The following UNC13A variants were observed in gnomAD, a reference collection of about 807,000 sequenced individuals.
UNC13A encodes unc-13 homolog A, also known as protein unc-13 homolog A.
A neutral mutation model predicts 219.7 loss-of-function variants in UNC13A; 61 were observed. The ratio of observed to expected loss-of-function variants is 0.28; its 90% CI spans 0.23 to 0.34. The LOEUF is 0.34. UNC13A is among the 10% of genes least tolerant of loss of function. UNC13A has a pLI of 1.00. For missense variants in UNC13A, 1,476 were observed against 2,270.3 expected (o/e 0.65, Z 7.11); for synonymous variants, 920 against 884.6 (o/e 1.04, Z -0.71).
rs367737921 is a variant in UNC13A at position 17,674,693 on chromosome 19, C to G, written c.116G>C (p.Arg39Pro). The change falls in exon 3 of 44, where the codon CGG becomes CCG. Residue 39 changes from arginine (R) to proline (P), a missense_variant. Around this residue, in one of 14 missense-constraint regions of UNC13A, gnomAD observed 203 missense variants for 301.6 expected, o/e 0.67. Transcript: ENST00000519716. The surrounding 1 kb of genome is among the most constrained non-coding windows in gnomAD (Gnocchi z 5.0). ...CTGCTCCCAGCTGGGCTGGCTGCCC[C>G]GCACCGCGATGGTCGTGCTCTTGAC... ...QNVKSTTIAVRGSQPSWEQDF... is the reference protein window; with the variant it reads ...QNVKSTTIAVPGSQPSWEQDF... The G allele has an allele frequency of 1.9e-6, 3 of 1,613,796 alleles. No individual in the cohort carries two copies. The highest frequency in any genetic ancestry group is 2.5e-6 in the Non-Finnish European group (3 of 1,179,888).
intron 8 of UNC13A, among the ~76,000 whole-genome samples, chr19:17,661,391 T>C (rs1337730189): frequency 6.6e-6 from 1 of 151,926 alleles, no homozygotes; most frequent in Non-Finnish European, 1.5e-5. Flanking sequence ...GGAGGCAGAT[T>C]TATCCTCAAA....
chr19:17,614,675 G>C (rs2076642873), intron 41 of UNC13A, among the ~76,000 whole-genome samples: 1 of 152,104 alleles, frequency 6.6e-6, no homozygotes, highest in Non-Finnish European at 1.5e-5. Flanking sequence ...AGTGACTGAG[G>C]GTTGGGGAGC....
In UNC13A at chr19:17,649,091, A is replaced by G. The variant is rs997618485; in HGVS notation, c.1525-108T>C. 3.1e-6 allele frequency: 4 copies of G among 1,304,394 alleles called. No homozygotes were observed. The South Asian group carries it at 5.6e-5, about 18-fold the overall frequency. The allele number at this position is 1,304,394 out of a possible 1,614,324, so 80.8% of individuals were successfully genotyped here. A position where few individuals can be genotyped will look rare whatever the true frequency, so the allele number is the denominator to read the frequency against. ...CCAGCAGCCACATTTTGGAGCCACAACCGCAAGTTGGAAACAGGTCACCGA... is the reference window on the plus strand; with the variant it reads ...CCAGCAGCCACATTTTGGAGCCACAGCCGCAAGTTGGAAACAGGTCACCGA... On this transcript the variant is annotated intron_variant, in intron 14 of 43. Transcript: ENST00000519716. This position sits in a 1 kb window ranked among gnomAD's most constrained non-coding sequence, Gnocchi z 4.4.
intron 41 of UNC13A, 92 bp from the exon 42 acceptor site, chr19:17,611,947 G>GA (rs2076608843): frequency 9.0e-7 from 1 of 1,114,018 alleles, no homozygotes; most frequent in Non-Finnish European, 1.3e-6. Context: ...ACCTGTGCTG[G>GA]CGGCACCAGG....
At chr19:17,632,217 TG>T (rs1483808898) in intron 28 of UNC13A, among the ~76,000 whole-genome samples, 2 of 152,204 alleles carry the variant, frequency 1.3e-5, no homozygotes, top group African/African-American at 4.8e-5. Context: ...GGCCAATTTT[TG>T]TATTTTTGTA....
chr19:17,643,771 A>T (rs1445400928), intron 19 of UNC13A, among the ~76,000 whole-genome samples: 1 of 152,042 alleles, frequency 6.6e-6, no homozygotes, highest in Non-Finnish European at 1.5e-5. Flanking sequence ...GTTCCTGGCT[A>T]TGTGCCTCCC....
intron 36 of UNC13A, chr19:17,623,139 A>G (rs1273812334): frequency 4.9e-6 from 1 of 204,534 alleles, no homozygotes; most frequent in African/African-American, 2.3e-5. Flanking sequence ...GAAGCTGCTG[A>G]CAGTTCAGAG....
chr19:17,677,424 T>C (rs2079921336), intron 1 of UNC13A, among the ~76,000 whole-genome samples: 1 of 151,056 alleles, frequency 6.6e-6, no homozygotes, highest in African/African-American at 2.4e-5. Flanking sequence ...AGTGCAGTGG[T>C]GCCATCTCAG....
At chr19:17,678,140 C>T (rs1034717454) in intron 1 of UNC13A, among the ~76,000 whole-genome samples, 4 of 152,106 alleles carry the variant, frequency 2.6e-5, no homozygotes, top group Non-Finnish European at 5.9e-5. Context: ...AGAGAATTCC[C>T]GTGAAGAGCG....
chr19:17,671,743 C>T (rs539529257), intron 4 of UNC13A, among the ~76,000 whole-genome samples: 18 of 152,144 alleles, frequency 1.2e-4, no homozygotes, highest in Non-Finnish European at 2.6e-4. Flanking sequence ...CAATGCACTC[C>T]AGCCTGGGCA....
intron 10 of UNC13A, 84 bp from the exon 11 acceptor site, chr19:17,655,466 G>GCATAGCTC (rs1218931322): frequency 9.2e-7 from 1 of 1,084,114 alleles, no homozygotes; most frequent in Non-Finnish European, 1.3e-6. Flanking sequence ...TGCAAGTGAT[G>GCATAGCTC]CATAGCTCCC....
At chr19:17,644,257 T>C (rs1228951738) in intron 19 of UNC13A, among the ~76,000 whole-genome samples, 2 of 149,156 alleles carry the variant, frequency 1.3e-5, no homozygotes, top group Non-Finnish European at 3.0e-5. Flanking sequence ...GGCATGATCA[T>C]AGCTCACTGC....
chr19:17,618,987 G>T (rs773365722), intron 38 of UNC13A, 25 bp from the exon 39 acceptor site: 14 of 1,612,726 alleles, frequency 8.7e-6, no homozygotes, highest in Non-Finnish European at 1.2e-5. Context: ...ATACAGCTGG[G>T]TGAGGGCAGG....
chr19:17,656,076 C>A lies in UNC13A; in HGVS notation c.1090G>T (p.Val364Leu). The change falls in exon 10 of 44, where the codon GTA becomes TTA. Residue 364 changes from valine to leucine, a missense_variant. Physicochemically the swap from Val to Leu is conservative, Grantham distance 32 (BLOSUM62 1). This residue lies in a region of UNC13A where 351 missense variants were observed against 342.6 expected (regional missense o/e 1.02). Transcript: ENST00000519716. ...AAGTCTTTGGGCTCAGCCACAGCTA[C>A]GTCTTCACGCTGGGCATAGCTGCCC... ...DLGSYAQRED[V>L]AVAEPKDFKR... 4 of 1,553,784 alleles carry A rather than the reference C, an allele frequency of 2.6e-6. No individual in the cohort carries two copies. Among genetic ancestry groups the A allele is most frequent in the Non-Finnish European group, 2.6e-6 (3 of 1,148,056 alleles).
At chr19:17,653,844 T>G (rs1247880504) in intron 11 of UNC13A, among the ~76,000 whole-genome samples, 56 of 73,986 alleles carry the variant, frequency 7.6e-4, no homozygotes, top group Non-Finnish European at 1.4e-3. Flanking sequence ...TTTTTTTTTT[T>G]GAAATGGAGT....
chr19:17,618,511 TG>T lies in UNC13A; in HGVS notation c.4330-11del. 6.3e-7 allele frequency: 1 copy of T among 1,582,682 alleles called. No homozygotes were observed. ...CTCGTACCATGTGATCCTGGATGGATGGGGAGAGGGGCCATGTGGGTGGAGT... is the reference window on the plus strand; with the variant it reads ...CTCGTACCATGTGATCCTGGATGGATGGGAGAGGGGCCATGTGGGTGGAGT... On this transcript the variant is annotated splice_polypyrimidine_tract_variant and intron_variant, in intron 39 of 43. Transcript: ENST00000519716.
chr19:17,655,725 C>T (rs1303540890), intron 10 of UNC13A, among the ~76,000 whole-genome samples, 158 bp downstream of exon 10: 1 of 152,160 alleles, frequency 6.6e-6, no homozygotes, highest in African/African-American at 2.4e-5. Context: ...TTTGACCTCC[C>T]TACTCTGCCC....
intron 39 of UNC13A, 49 bp downstream of exon 39, chr19:17,618,855 CAT>C (rs1477420756): frequency 1.3e-5 from 21 of 1,583,034 alleles, no homozygotes; most frequent in African/African-American, 2.8e-5. Context: ...CTGGAAGCCA[CAT>C]GAGTTTGGGG....
intron 6 of UNC13A, among the ~76,000 whole-genome samples, 177 bp from the exon 7 acceptor site, chr19:17,666,881 CGAGAGAGAGAGA>C (rs10535025): frequency 8.7e-6 from 1 of 115,114 alleles, no homozygotes; most frequent in Admixed American, 8.5e-5. Flanking sequence ...CACACACACA[CGAGAGAGAGAGA>C]GAGAGAGAGA....
Sources: allele counts gnomAD v4.1 joint callset (sites outside exome capture counted in the v4.1 genomes callset), GRCh38; gene constraint gnomAD v4.1.1; regional missense constraint gnomAD v4.1.1; non-coding constraint Gnocchi (gnomAD v3.1); transcripts MANE v1.5; gene names NCBI Gene and HGNC (gene_info 2026-07-23, HGNC 2026-07-21).